The following SSH2 variants were observed in gnomAD, a reference collection of about 807,000 sequenced individuals.
SSH2 encodes protein phosphatase Slingshot homolog 2.
In SSH2, 37 loss-of-function variants were observed where a neutral mutation model predicts 135.2. The observed-to-expected ratio is 0.27, with a 90% CI of 0.21 to 0.36. The LOEUF is 0.36. SSH2 is among the 10% of genes least tolerant of loss of function. The pLI is 1.00. For missense variants in SSH2, 1,408 were observed against 1,765.3 expected (o/e 0.80, Z 3.63); for synonymous variants, 628 against 646.2 (o/e 0.97, Z 0.43).
chr17:29,708,385 C>T (rs1239688599), intron 3 of SSH2, among the ~76,000 whole-genome samples: 2 of 151,844 alleles, frequency 1.3e-5, no homozygotes, highest in African/African-American at 4.8e-5. Flanking sequence ...GTCAGGAGTT[C>T]GAGATCAGCC....
chr17:29,892,177 A>T (rs1287077744), intron 1 of SSH2, among the ~76,000 whole-genome samples: 2 of 151,878 alleles, frequency 1.3e-5, no homozygotes, highest in Non-Finnish European at 2.9e-5. Flanking sequence ...GTAGCTGGGG[A>T]CTACAGACAT....
At chr17:29,815,200 C>T (rs146410622) in intron 2 of SSH2, among the ~76,000 whole-genome samples, 4 of 148,818 alleles carry the variant, frequency 2.7e-5, no homozygotes, top group African/African-American at 9.9e-5. Flanking sequence ...TCTCAGCTCA[C>T]TACAACCTCT....
At chr17:29,642,947 C>G (rs950590881) in intron 14 of SSH2, among the ~76,000 whole-genome samples, 1 of 152,160 alleles carries the variant, frequency 6.6e-6, no homozygotes, top group Admixed American at 6.5e-5. Context: ...ATGGAGCTAC[C>G]GAATGCTAGG....
chr17:29,678,713 CTTTTT>C (rs55889704), intron 6 of SSH2, among the ~76,000 whole-genome samples: 4 of 112,066 alleles, frequency 3.6e-5, no homozygotes, highest in African/African-American at 1.4e-4. Context: ...AATACTATTT[CTTTTT>C]TTTTTTTTTT....
chr17:29,800,321 C>T (rs1599017166), intron 2 of SSH2, among the ~76,000 whole-genome samples: 1 of 151,946 alleles, frequency 6.6e-6, no homozygotes, highest in African/African-American at 2.4e-5. Context: ...CAGAATTCAC[C>T]GCCAAAAAAG....
At position 29,649,005 on chromosome 17, in the gene SSH2, G is replaced by A. The variant is rs944241791; in HGVS notation, c.1227-661C>T. 1.3e-5 allele frequency among the ~76,000 whole-genome samples: 2 copies of A among 152,130 alleles called. 1 individual carries two copies. The highest frequency in any genetic ancestry group is 4.1e-4 in the South Asian group (2 of 4,826). On this transcript the variant is annotated intron_variant, in intron 13 of 15. Coordinates refer to ENST00000540801, the MANE Select transcript of SSH2 (RefSeq NM_001282129.2). ...AATACAAAAAAATTAGCCAGGAGTG[G>A]TGGTGTGTGCCTGTAATCCCAGCTA... is the stretch of plus-strand genomic sequence containing the variant.
intron 14 of SSH2, among the ~76,000 whole-genome samples, chr17:29,638,372 C>T (rs1396510609): frequency 6.6e-6 from 1 of 150,446 alleles, no homozygotes; most frequent in African/African-American, 2.4e-5. Flanking sequence ...AAAAAAAAAC[C>T]TCAAACACAT....
intron 4 of SSH2, among the ~76,000 whole-genome samples, chr17:29,700,071 C>T (rs931190112): frequency 6.6e-6 from 1 of 152,180 alleles, no homozygotes; most frequent in Non-Finnish European, 1.5e-5. Flanking sequence ...ACTAAAACAG[C>T]CGAGATTATC....
At chr17:29,714,078 C>T (rs989214760) in intron 3 of SSH2, among the ~76,000 whole-genome samples, 1 of 152,108 alleles carries the variant, frequency 6.6e-6, no homozygotes, top group African/African-American at 2.4e-5. Context: ...GGTCCTGCAG[C>T]CCTAAATTCT....
intron 1 of SSH2, among the ~76,000 whole-genome samples, chr17:29,876,397 AT>A (rs918314973): frequency 1.3e-5 from 2 of 151,890 alleles, no homozygotes; most frequent in African/African-American, 2.4e-5. Flanking sequence ...GGATTATTAG[AT>A]TTTTTTTCCT....
chr17:29,786,104 C>T (rs1021415706), intron 3 of SSH2, among the ~76,000 whole-genome samples: 1 of 152,202 alleles, frequency 6.6e-6, no homozygotes, highest in African/African-American at 2.4e-5. Flanking sequence ...GCGCCCGGCC[C>T]TGTTTACTTC....
chr17:29,809,133 A>G (rs138862237), intron 2 of SSH2, among the ~76,000 whole-genome samples: 1 of 152,190 alleles, frequency 6.6e-6, no homozygotes, highest in Non-Finnish European at 1.5e-5. Flanking sequence ...ACACGCCTGT[A>G]GTCCCAGCTA....
intron 14 of SSH2, 190 bp downstream of exon 14, chr17:29,647,954 T>A: frequency 1.7e-6 from 1 of 597,642 alleles, no homozygotes; most frequent in Non-Finnish European, 2.9e-6. Flanking sequence ...TGAGCCACTG[T>A]GCCCGGCCAG....
chr17:29,922,842 A>G (rs181183471), intron 1 of SSH2, among the ~76,000 whole-genome samples: 2 of 152,394 alleles, frequency 1.3e-5, no homozygotes, highest in East Asian at 3.8e-4. Flanking sequence ...GAGCATTCTT[A>G]TACTATGCTA....
chr17:29,688,638 G>A (rs994905000), intron 5 of SSH2, among the ~76,000 whole-genome samples: 4 of 151,950 alleles, frequency 2.6e-5, no homozygotes, highest in Non-Finnish European at 1.5e-5. Flanking sequence ...CTAATTTTTT[G>A]TATCTTTGGT....
chr17:29,727,377 A>G (rs1412158381), intron 3 of SSH2, among the ~76,000 whole-genome samples: 2 of 152,254 alleles, frequency 1.3e-5, no homozygotes, highest in African/African-American at 4.8e-5. Context: ...AGCAGGTAAT[A>G]TTAAATTTCT....
chr17:29,776,935 G>A (rs1422353803), intron 3 of SSH2, among the ~76,000 whole-genome samples: 3 of 152,224 alleles, frequency 2.0e-5, no homozygotes, highest in Non-Finnish European at 2.9e-5. Flanking sequence ...TTCATGGCTG[G>A]GCATGGTGGC....
At chr17:29,716,826 A>C (rs1274084729) in intron 3 of SSH2, 1 of 393,902 alleles carries the variant, frequency 2.5e-6, no homozygotes, top group Non-Finnish European at 4.8e-6. Context: ...CTTCTGTCTC[A>C]CCACTCCTCT....
At chr17:29,820,874 C>A (rs2042639512) in intron 2 of SSH2, among the ~76,000 whole-genome samples, 1 of 152,124 alleles carries the variant, frequency 6.6e-6, no homozygotes, top group Non-Finnish European at 1.5e-5. Flanking sequence ...CCCCTTGTCA[C>A]CTCTCTCTTC....
Sources: allele counts gnomAD v4.1 joint callset (sites outside exome capture counted in the v4.1 genomes callset), GRCh38; gene constraint gnomAD v4.1.1; transcripts MANE v1.5; gene names NCBI Gene and HGNC (gene_info 2026-07-23, HGNC 2026-07-21).